Variants in LINC00632 observed in about 807,000 individuals in gnomAD.
The protein encoded by LINC00632 is long independently transcribed non-coding RNA 632, also known as ALDOA related specific transcript.
intron 3 of LINC00632, among the ~76,000 whole-genome samples, chrX:140,764,198 T>C (rs183781302): frequency 0.01 from 1,134 of 110,649 alleles, 6 homozygotes; most frequent in Non-Finnish European, 0.017. Flanking sequence ...TTAAATACTC[T>C]CCAAATCGGA....
chrX:140,722,426 A>G (rs1930744656), intron 2 of LINC00632, among the ~76,000 whole-genome samples: 1 of 109,651 alleles, frequency 9.1e-6, no homozygotes, highest in East Asian at 2.9e-4. Context: ...TTACAAAGTA[A>G]CAGGCATCAT....
chrX:140,783,844 G>A (rs375529084), exon 5 of LINC00632: 6 of 1,208,227 alleles, frequency 5.0e-6, no homozygotes, highest in Non-Finnish European at 6.7e-6. Flanking sequence ...TAACCTCCCA[G>A]TCTTCCAGAA....
At chrX:140,770,322 T>C (rs913928806) in intron 3 of LINC00632, among the ~76,000 whole-genome samples, 3 of 111,900 alleles carry the variant, frequency 2.7e-5, no homozygotes, top group Non-Finnish European at 5.6e-5. Context: ...CCAAAACCAA[T>C]ATGGCGATGA....
chrX:140,721,530 C>G (rs1314812111), intron 2 of LINC00632, among the ~76,000 whole-genome samples: 2 of 111,156 alleles, frequency 1.8e-5, no homozygotes, highest in Non-Finnish European at 3.8e-5. Flanking sequence ...TTGTGAGAAT[C>G]TAATGCTGTA....
chrX:140,757,855 C>T (rs2148395423), intron 3 of LINC00632, among the ~76,000 whole-genome samples: 1 of 111,830 alleles, frequency 8.9e-6, no homozygotes, highest in African/African-American at 3.2e-5. Context: ...GCGTGAGACA[C>T]CACATCCAGC....
chrX:140,759,160 G>A (rs1333928808), intron 3 of LINC00632, among the ~76,000 whole-genome samples: 2 of 104,635 alleles, frequency 1.9e-5, no homozygotes, highest in African/African-American at 7.1e-5. Context: ...TTTAAGTAGA[G>A]ATGGGGTTTC....
At chrX:140,722,442 G>T (rs1006808912) in intron 2 of LINC00632, among the ~76,000 whole-genome samples, 1 of 108,723 alleles carries the variant, frequency 9.2e-6, no homozygotes, top group Non-Finnish European at 1.9e-5. Flanking sequence ...ATCATCTTCT[G>T]ACACACATAT....
chrX:140,748,777 A>T (rs1931364637), intron 3 of LINC00632, among the ~76,000 whole-genome samples: 1 of 106,319 alleles, frequency 9.4e-6, no homozygotes. Flanking sequence ...TTATAAAATA[A>T]AATATGATAT....
exon 5 of LINC00632, among the ~76,000 whole-genome samples, chrX:140,785,398 C>T (rs1417506223): frequency 1.8e-5 from 2 of 112,070 alleles, no homozygotes; most frequent in Non-Finnish European, 3.8e-5. Flanking sequence ...CAGGACACAA[C>T]TACTAAATAA....
At chrX:140,752,961 AAAGT>A (rs1287489558) in intron 3 of LINC00632, among the ~76,000 whole-genome samples, 1 of 111,889 alleles carries the variant, frequency 8.9e-6, no homozygotes, top group Non-Finnish European at 1.9e-5. Flanking sequence ...AAATCCCAAC[AAAGT>A]AAGAATTAGT....
intron 2 of LINC00632, among the ~76,000 whole-genome samples, chrX:140,720,839 G>T (rs1930716633): frequency 9.0e-6 from 1 of 111,720 alleles, no homozygotes; most frequent in Non-Finnish European, 1.9e-5. Flanking sequence ...TTAGCTGAGA[G>T]CACGCAGAAG....
chrX:140,713,177 T>A (rs758377953), intron 2 of LINC00632, among the ~76,000 whole-genome samples: 1 of 44,174 alleles, frequency 2.3e-5, no homozygotes, highest in South Asian at 1.6e-3. Flanking sequence ...ATATGGAGCA[T>A]TTTTTTTTTT....
chrX:140,722,611 A>G (rs1297261610), intron 2 of LINC00632, among the ~76,000 whole-genome samples: 1 of 110,743 alleles, frequency 9.0e-6, no homozygotes, highest in African/African-American at 3.3e-5. Context: ...ATGAAATCTA[A>G]CCCCATGAAA....
At chrX:140,713,642 TAC>T (rs1569346345) in intron 2 of LINC00632, 1 of 342,116 alleles carries the variant, frequency 2.9e-6, no homozygotes, top group East Asian at 9.7e-5. Context: ...CTTCTCACAG[TAC>T]ACACACTTGC....
chrX:140,715,046 A>G (rs779378809), intron 2 of LINC00632, among the ~76,000 whole-genome samples: 17 of 110,944 alleles, frequency 1.5e-4, no homozygotes, highest in African/African-American at 5.6e-4. Flanking sequence ...GCTTGGCATC[A>G]TAGCAGGAAA....
intron 3 of LINC00632, among the ~76,000 whole-genome samples, chrX:140,741,421 G>A (rs1455707566): frequency 1.8e-5 from 2 of 111,861 alleles, no homozygotes; most frequent in Non-Finnish European, 3.8e-5. Flanking sequence ...AAAAGGGCTG[G>A]GTTGAGGCAC....
intron 2 of LINC00632, among the ~76,000 whole-genome samples, chrX:140,721,052 AC>A (rs1012506050): frequency 1.8e-5 from 2 of 111,329 alleles, no homozygotes; most frequent in African/African-American, 6.5e-5. Context: ...CAATAGCCAG[AC>A]TTGACCTGCA....
At chrX:140,719,550 C>T (rs1178569799) in intron 2 of LINC00632, among the ~76,000 whole-genome samples, 1 of 108,153 alleles carries the variant, frequency 9.2e-6, no homozygotes, top group Non-Finnish European at 1.9e-5. Flanking sequence ...CCTGCCTCGG[C>T]CTCCCAAAGT....
At chrX:140,710,275 A>G (rs994392244) in intron 1 of LINC00632, among the ~76,000 whole-genome samples, 1 of 111,979 alleles carries the variant, frequency 8.9e-6, no homozygotes, top group Non-Finnish European at 1.9e-5. Flanking sequence ...TTAAATTAAG[A>G]AAGTCGTGTG....
Sources: allele counts gnomAD v4.1 joint callset (sites outside exome capture counted in the v4.1 genomes callset), GRCh38; gene constraint gnomAD v4.1.1; transcripts MANE v1.5; gene names NCBI Gene and HGNC (gene_info 2026-07-23, HGNC 2026-07-21).